TMEM45A: variants seen among roughly 807,000 people sequenced by gnomAD.
TMEM45A encodes the protein transmembrane protein 45A.
Under a neutral mutation model 32.0 loss-of-function variants are expected in TMEM45A, and 25 were observed. The ratio of observed to expected loss-of-function variants is 0.78; its 90% CI spans 0.57 to 1.09. The LOEUF is 1.09. Ranked by LOEUF, TMEM45A falls within the 50% of genes least tolerant of loss-of-function variation. The pLI is 0.00. For synonymous variants in TMEM45A, 122 were observed against 114.8 expected, an observed-to-expected ratio of 1.06 and a Z score of -0.40; for missense variants, 302 against 325.0, an observed-to-expected ratio of 0.93 and a Z score of 0.54.
intron 1 of TMEM45A, among the ~76,000 whole-genome samples, chr3:100,498,173 C>G (rs1707958364): frequency 6.6e-6 from 1 of 152,204 alleles, no homozygotes; most frequent in South Asian, 2.1e-4. Flanking sequence ...CTTGCTTACC[C>G]TTTGCCTTCT....
At chr3:100,516,400 A>G (rs1708262408) in intron 1 of TMEM45A, among the ~76,000 whole-genome samples, 1 of 152,138 alleles carries the variant, frequency 6.6e-6, no homozygotes, top group African/African-American at 2.4e-5. Flanking sequence ...GAATTGATGA[A>G]ACTGCTTCTG....
At chr3:100,519,377 GTGTGTGTGCA>G in intron 1 of TMEM45A, 1 of 585,030 alleles carries the variant, frequency 1.7e-6, no homozygotes, top group Non-Finnish European at 3.0e-6. Context: ...GGTTGTGTGT[GTGTGTGTGCA>G]TGTGTGTGTG....
chr3:100,503,857 G>A (rs887929002), intron 1 of TMEM45A, among the ~76,000 whole-genome samples: 6 of 152,164 alleles, frequency 3.9e-5, no homozygotes, highest in African/African-American at 7.2e-5. Context: ...AGGTCACACC[G>A]TGGTGAAATC....
In TMEM45A at chr3:100,548,338, T is replaced by G. The variant is rs1431906309; in HGVS notation, c.-3-6871T>G. On this transcript the variant is annotated intron_variant, in intron 1 of 5. Transcript: ENST00000323523. ...ACTCTGTTTGTCTCCACATGCTCAT[T>G]CAAATAGCATTCCTGTGTCTTGGCA... Among the ~76,000 whole-genome samples the G allele has an allele frequency of 7.7e-4, 117 of 152,198 alleles. 2 individuals are homozygous for G.
chr3:100,544,898 T>C (rs1705955024), intron 1 of TMEM45A, among the ~76,000 whole-genome samples: 1 of 152,184 alleles, frequency 6.6e-6, no homozygotes, highest in Non-Finnish European at 1.5e-5. Flanking sequence ...TTTAATGTTA[T>C]AAAAAGTGAC....
chr3:100,493,262 A>G (rs960973771), intron 1 of TMEM45A, among the ~76,000 whole-genome samples: 1 of 151,918 alleles, frequency 6.6e-6, no homozygotes, highest in Admixed American at 6.6e-5. Flanking sequence ...CTGTGAAAAT[A>G]CTGTGGGTAT....
chr3:100,518,574 C>T (rs1209067991), intron 1 of TMEM45A, among the ~76,000 whole-genome samples: 1 of 152,122 alleles, frequency 6.6e-6, no homozygotes, highest in African/African-American at 2.4e-5. Context: ...ATGTGCACTC[C>T]ACACTCATTC....
At chr3:100,528,678 CT>C (rs1279862760) in intron 1 of TMEM45A, among the ~76,000 whole-genome samples, 2 of 152,094 alleles carry the variant, frequency 1.3e-5, no homozygotes, top group East Asian at 1.9e-4. Context: ...GCTCAGCTCT[CT>C]TTTTTTTAAA....
chr3:100,508,718 C>A (rs1027360457), intron 1 of TMEM45A, among the ~76,000 whole-genome samples: 9 of 151,908 alleles, frequency 5.9e-5, no homozygotes, highest in South Asian at 2.1e-4. Context: ...GAAAGGAAAC[C>A]CTGTTCAATA....
intron 4 of TMEM45A, among the ~76,000 whole-genome samples, chr3:100,565,358 T>C (rs1029970341): frequency 6.6e-6 from 1 of 152,206 alleles, no homozygotes; most frequent in African/African-American, 2.4e-5. Flanking sequence ...AATCCTGAAA[T>C]GGGAACAAGT....
chr3:100,558,604 C>T lies in TMEM45A; in HGVS notation c.588+15C>T. ...GGTTCTTTCAGGTGAGTTGGGGCCT[C>T]TAGTTAATGTACCTGGACTCTTTGC... On this transcript the variant is annotated intron_variant, in intron 4 of 5. Transcript: ENST00000323523. 2.5e-6 allele frequency: 4 copies of T among 1,612,202 alleles called. No individual in the cohort carries two copies. Among genetic ancestry groups the T allele is most frequent in the Non-Finnish European group, 3.4e-6 (4 of 1,178,760 alleles).
intron 4 of TMEM45A, among the ~76,000 whole-genome samples, chr3:100,563,312 C>T (rs1417503263): frequency 6.6e-6 from 1 of 152,226 alleles, no homozygotes; most frequent in Non-Finnish European, 1.5e-5. Context: ...AGTATGACTT[C>T]ACCTTAACTT....
chr3:100,514,893 C>T lies in TMEM45A; in HGVS notation c.-4+21965C>T, dbSNP rs1170500469. 4.0e-5 allele frequency among the ~76,000 whole-genome samples: 6 copies of T among 148,754 alleles called. No individual in the cohort carries two copies. The East Asian group carries it at 9.8e-4, about 24-fold the overall frequency. ...ATGAAAAAATGCTCACCATCACTGGCCATCAGAGAAATGCAAATCAAAACC... is the reference window on the plus strand; with the variant it reads ...ATGAAAAAATGCTCACCATCACTGGTCATCAGAGAAATGCAAATCAAAACC... On this transcript the variant is annotated intron_variant, in intron 1 of 5. Coordinates refer to ENST00000323523, the MANE Select transcript of TMEM45A (RefSeq NM_018004.3).
chr3:100,533,152 G>A (rs1190629029), intron 1 of TMEM45A, among the ~76,000 whole-genome samples: 1 of 152,058 alleles, frequency 6.6e-6, no homozygotes, highest in African/African-American at 2.4e-5. Context: ...CGATGCAGTT[G>A]GCGAGGTCAA....
intron 1 of TMEM45A, among the ~76,000 whole-genome samples, chr3:100,539,201 A>T (rs922522021): frequency 1.1e-4 from 16 of 152,178 alleles, no homozygotes; most frequent in Admixed American, 2.6e-4. Flanking sequence ...TTCAAAACTT[A>T]TTTTAAAGCT....
At chr3:100,559,629 T>C (rs1175522500) in intron 4 of TMEM45A, among the ~76,000 whole-genome samples, 1 of 152,036 alleles carries the variant, frequency 6.6e-6, no homozygotes, top group Non-Finnish European at 1.5e-5. Flanking sequence ...ATATAAAATC[T>C]ATATCTCTTG....
chr3:100,501,816 C>T (rs1708011516), intron 1 of TMEM45A, among the ~76,000 whole-genome samples: 1 of 152,148 alleles, frequency 6.6e-6, no homozygotes, highest in Non-Finnish European at 1.5e-5. Flanking sequence ...ATAATTAGTC[C>T]ATTTTCTGAC....
chr3:100,571,442 C>G (rs1343465784), intron 5 of TMEM45A: 1 of 151,844 alleles, frequency 6.6e-6, no homozygotes, highest in Non-Finnish European at 1.5e-5. Context: ...TAATTAAATG[C>G]ACCCTAATGA....
At chr3:100,554,152 G>A (rs1045881698) in intron 1 of TMEM45A, among the ~76,000 whole-genome samples, 3 of 151,644 alleles carry the variant, frequency 2.0e-5, no homozygotes, top group Non-Finnish European at 4.4e-5. Flanking sequence ...GGCTACTCAC[G>A]TAATTAAAAA....
Sources: gnomAD v4.1 joint callset for allele counts (sites outside exome capture counted in the v4.1 genomes callset) on GRCh38, gnomAD v4.1.1 for gene constraint, MANE v1.5 for transcripts, NCBI Gene and HGNC (gene_info 2026-07-23, HGNC 2026-07-21) for gene names.